The following CSTPP1 variants were observed in gnomAD, a reference collection of about 807,000 sequenced individuals.
CSTPP1 encodes the protein centriolar satellite-associated tubulin polyglutamylase complex regulator 1.
chr11:47,076,599 G>T, the CSTPP1 span, among the ~76,000 whole-genome samples: 2 of 152,140 alleles, frequency 1.3e-5, no homozygotes, highest in African/African-American at 4.8e-5. Context: ...CCAGCACTTT[G>T]GGAGGCCGAG....
At chr11:47,156,071 G>A in the CSTPP1 span, 1 of 152,174 alleles carries the variant, frequency 6.6e-6, no homozygotes, top group African/African-American at 2.4e-5. Flanking sequence ...GATCCTAGAG[G>A]TGGCCTTCCT....
chr11:46,936,806 A>G, the CSTPP1 span: 1 of 1,610,878 alleles, frequency 6.2e-7, no homozygotes, highest in Non-Finnish European at 8.5e-7. Flanking sequence ...CGGTCAAAGG[A>G]TGCTGAGTCC....
At chr11:47,144,270 C>G in the CSTPP1 span, among the ~76,000 whole-genome samples, 936 of 152,204 alleles carry the variant, frequency 6.1e-3, 6 homozygotes, top group African/African-American at 0.02. Flanking sequence ...CTCGCTGCAA[C>G]CTCCGCCTCC....
chr11:46,968,872 C>G, the CSTPP1 span, among the ~76,000 whole-genome samples: 1 of 151,198 alleles, frequency 6.6e-6, no homozygotes, highest in Admixed American at 6.6e-5. Context: ...GCATTCCAGC[C>G]TGGGCAACAG....
chr11:47,090,063 C>T, the CSTPP1 span, among the ~76,000 whole-genome samples: 2 of 152,178 alleles, frequency 1.3e-5, no homozygotes, highest in African/African-American at 4.8e-5. Flanking sequence ...CTCACCACAA[C>T]CTCTGCCTCC....
the CSTPP1 span, among the ~76,000 whole-genome samples, chr11:47,038,482 G>T: frequency 9.1e-6 from 1 of 110,038 alleles, no homozygotes; most frequent in Non-Finnish European, 2.3e-5. Flanking sequence ...CTCCCGGACG[G>T]GGCGGCCGGC....
the CSTPP1 span, among the ~76,000 whole-genome samples, chr11:47,127,379 A>G: frequency 2.0e-5 from 3 of 152,234 alleles, no homozygotes; most frequent in African/African-American, 7.2e-5. Context: ...GCAATAGAGG[A>G]TTGGCAGTGC....
the CSTPP1 span, among the ~76,000 whole-genome samples, chr11:47,082,453 C>T: frequency 6.7e-6 from 1 of 150,240 alleles, no homozygotes; most frequent in South Asian, 2.1e-4. Flanking sequence ...AATAAAAATA[C>T]CAAAAACTCA....
chr11:47,162,385 G>T, the CSTPP1 span: 1 of 376,056 alleles, frequency 2.7e-6, no homozygotes, highest in Non-Finnish European at 3.7e-6. Flanking sequence ...ACGAGCAGAG[G>T]GGCCTAGCTT....
chr11:47,102,160 A>G, the CSTPP1 span, among the ~76,000 whole-genome samples: 2 of 152,208 alleles, frequency 1.3e-5, no homozygotes, highest in Admixed American at 1.3e-4. Flanking sequence ...GGATTATTGT[A>G]AAAAGCTAAT....
chr11:47,065,560 G>A, the CSTPP1 span, among the ~76,000 whole-genome samples: 5 of 152,070 alleles, frequency 3.3e-5, no homozygotes, highest in Admixed American at 6.6e-5. Context: ...TTGCAGGCAT[G>A]AGCTACCACG....
the CSTPP1 span, among the ~76,000 whole-genome samples, chr11:47,033,600 C>A: frequency 6.6e-6 from 1 of 152,184 alleles, no homozygotes; most frequent in African/African-American, 2.4e-5. Context: ...TTCATGATCT[C>A]CTTGATTGGC....
chr11:46,979,653 C>T, the CSTPP1 span, among the ~76,000 whole-genome samples: 4 of 152,228 alleles, frequency 2.6e-5, no homozygotes, highest in African/African-American at 9.6e-5. Context: ...TGGCTTATGC[C>T]TGTAATCGCA....
At chr11:46,991,481 G>A in the CSTPP1 span, 1 of 152,270 alleles carries the variant, frequency 6.6e-6, no homozygotes, top group East Asian at 1.9e-4. Context: ...GATGTGGGCT[G>A]GAGCAAATGA....
chr11:47,024,087 T>C, the CSTPP1 span, among the ~76,000 whole-genome samples: 1 of 151,964 alleles, frequency 6.6e-6, no homozygotes, highest in African/African-American at 2.4e-5. Context: ...AGGGTCTCAC[T>C]TTGTTACCCA....
At chr11:46,944,208 C>T in the CSTPP1 span, among the ~76,000 whole-genome samples, 2 of 150,756 alleles carry the variant, frequency 1.3e-5, no homozygotes, top group African/African-American at 4.9e-5. Context: ...GTCCCAGCTA[C>T]TCAGGAGGTT....
the CSTPP1 span, among the ~76,000 whole-genome samples, chr11:46,980,205 C>T: frequency 6.6e-6 from 1 of 152,138 alleles, no homozygotes; most frequent in Non-Finnish European, 1.5e-5. Flanking sequence ...TACAATACCC[C>T]TTTTGGTTGA....
chr11:47,087,947 C>G, the CSTPP1 span, among the ~76,000 whole-genome samples: 2 of 152,062 alleles, frequency 1.3e-5, no homozygotes, highest in Admixed American at 6.6e-5. Context: ...ATCTGGAGGG[C>G]CTGCTTCTAA....
the CSTPP1 span, among the ~76,000 whole-genome samples, chr11:47,070,729 C>G: frequency 6.6e-6 from 1 of 152,166 alleles, no homozygotes; most frequent in Non-Finnish European, 1.5e-5. Flanking sequence ...CTTGAGAACT[C>G]CTGCAAGACA....
Sources: gnomAD v4.1 joint callset for allele counts (sites outside exome capture counted in the v4.1 genomes callset) on GRCh38, gnomAD v4.1.1 for gene constraint, MANE v1.5 for transcripts, NCBI Gene and HGNC (gene_info 2026-07-23, HGNC 2026-07-21) for gene names.